Variants in PIP5K1B observed in about 807,000 individuals in gnomAD.
The protein encoded by PIP5K1B is phosphatidylinositol 4-phosphate 5-kinase type-1 beta.
PIP5K1B carries 42 observed loss-of-function variants against 67.0 expected under a neutral mutation model. That is an observed-to-expected ratio of 0.63 (90% CI 0.49 to 0.81). The LOEUF (loss-of-function observed/expected upper bound fraction) is 0.81, where lower values mean the gene tolerates loss of function less well. Among genes scored for constraint, PIP5K1B ranks in the 30% least tolerant of loss-of-function variants. The probability of loss-of-function intolerance (pLI) is 0.00; values close to 1 mark genes in which losing one functional copy is unlikely to be tolerated. For synonymous variants in PIP5K1B, 214 were observed against 231.4 expected, an observed-to-expected ratio of 0.92 and a Z score of 0.68; for missense variants, 459 against 646.3, an observed-to-expected ratio of 0.71 and a Z score of 3.14.
At chr9:68,760,196 C>G (rs1312495116) in intron 2 of PIP5K1B, among the ~76,000 whole-genome samples, 1 of 152,098 alleles carries the variant, frequency 6.6e-6, no homozygotes, top group Non-Finnish European at 1.5e-5. Flanking sequence ...GCACAGCTCT[C>G]TTTTGGAATG....
intron 4 of PIP5K1B, among the ~76,000 whole-genome samples, chr9:68,830,301 A>G (rs184663732): frequency 6.6e-6 from 1 of 152,292 alleles, no homozygotes; most frequent in East Asian, 1.9e-4. Flanking sequence ...ACCCCTCCAA[A>G]CACTTGTGCT....
intron 6 of PIP5K1B, among the ~76,000 whole-genome samples, chr9:68,888,258 G>A (rs1207662472): frequency 1.3e-5 from 2 of 152,102 alleles, no homozygotes; most frequent in Admixed American, 6.5e-5. Flanking sequence ...AATTACAGGC[G>A]TGAGCCACCA....
chr9:68,949,350 A>C (rs1245639145), intron 14 of PIP5K1B, among the ~76,000 whole-genome samples: 1 of 152,174 alleles, frequency 6.6e-6, no homozygotes, highest in Non-Finnish European at 1.5e-5. Context: ...TGAAGTCTGC[A>C]TTTTGGCAAG....
At chr9:68,839,618 A>G (rs1821808594) in intron 4 of PIP5K1B, among the ~76,000 whole-genome samples, 1 of 152,254 alleles carries the variant, frequency 6.6e-6, no homozygotes, top group Non-Finnish European at 1.5e-5. Flanking sequence ...CAAAGTGAAT[A>G]CAACAGAAAA....
intron 14 of PIP5K1B, 46 bp from the exon 15 acceptor site, chr9:68,991,094 T>A (rs2132954877): frequency 9.0e-7 from 1 of 1,109,364 alleles, no homozygotes; most frequent in East Asian, 2.3e-5. Flanking sequence ...GTCTTTAGAT[T>A]TTGTTCTGGG....
chr9:68,976,504 C>T (rs1193960592), intron 14 of PIP5K1B, among the ~76,000 whole-genome samples: 7 of 152,198 alleles, frequency 4.6e-5, no homozygotes, highest in African/African-American at 1.4e-4. Flanking sequence ...ACTACCCTGC[C>T]TCTTGCTGTA....
At chr9:68,812,404 A>G (rs1369077515) in intron 2 of PIP5K1B, among the ~76,000 whole-genome samples, 1 of 152,254 alleles carries the variant, frequency 6.6e-6, no homozygotes, top group Non-Finnish European at 1.5e-5. Context: ...ACTAAATACC[A>G]GAAATAATAG....
At chr9:68,770,561 C>T (rs1432870904) in intron 2 of PIP5K1B, among the ~76,000 whole-genome samples, 1 of 152,178 alleles carries the variant, frequency 6.6e-6, no homozygotes, top group African/African-American at 2.4e-5. Flanking sequence ...GGAACCAGGC[C>T]ACACAGCACG....
chr9:68,723,582 C>T (rs966869123), intron 1 of PIP5K1B, among the ~76,000 whole-genome samples: 1 of 151,506 alleles, frequency 6.6e-6, no homozygotes, highest in Non-Finnish European at 1.5e-5. Flanking sequence ...TTTGCATCTC[C>T]CTGATGATTA....
At chr9:68,969,016 G>A (rs1439962092) in intron 14 of PIP5K1B, among the ~76,000 whole-genome samples, 1 of 152,088 alleles carries the variant, frequency 6.6e-6, no homozygotes, top group Non-Finnish European at 1.5e-5. Flanking sequence ...GCTTCTGAGG[G>A]CCTCATGTGC....
chr9:69,007,974 T>C (rs1426183341), intron 15 of PIP5K1B, among the ~76,000 whole-genome samples: 2 of 149,786 alleles, frequency 1.3e-5, no homozygotes, highest in Non-Finnish European at 3.0e-5. Flanking sequence ...TTGAGTTAGC[T>C]GGCTCTGATT....
intron 1 of PIP5K1B, among the ~76,000 whole-genome samples, chr9:68,723,489 C>CT (rs1178453176): frequency 6.6e-6 from 1 of 151,902 alleles, no homozygotes; most frequent in African/African-American, 2.4e-5. Context: ...TCTCTACATC[C>CT]TCTCCAGCAT....
chr9:68,780,835 T>C, intron 2 of PIP5K1B: 1 of 1,614,238 alleles, frequency 6.2e-7, no homozygotes, highest in Non-Finnish European at 8.5e-7. Context: ...ATCACCAACA[T>C]GCTTTCTTCT....
intron 1 of PIP5K1B, among the ~76,000 whole-genome samples, chr9:68,741,017 GC>G (rs1253350555): frequency 6.6e-6 from 1 of 152,158 alleles, no homozygotes. Flanking sequence ...ATTTCTAAAT[GC>G]CATTTTACCC....
chr9:68,807,311 G>A (rs1274838744), intron 2 of PIP5K1B, among the ~76,000 whole-genome samples: 1 of 152,152 alleles, frequency 6.6e-6, no homozygotes, highest in African/African-American at 2.4e-5. Flanking sequence ...CACTTTCATT[G>A]CTTGTTACGA....
chr9:68,760,413 G>A (rs148670956), intron 2 of PIP5K1B, among the ~76,000 whole-genome samples: 150 of 152,240 alleles, frequency 9.9e-4, no homozygotes, highest in African/African-American at 3.5e-3. Flanking sequence ...CAATGGAGGT[G>A]GACAGTGAAA....
intron 2 of PIP5K1B, among the ~76,000 whole-genome samples, chr9:68,769,744 A>G (rs1449222275): frequency 1.3e-5 from 2 of 152,192 alleles, no homozygotes; most frequent in Admixed American, 6.5e-5. Context: ...TTCTGGGGAA[A>G]GAATGAATGT....
intron 14 of PIP5K1B, among the ~76,000 whole-genome samples, chr9:68,972,987 CAT>C (rs1207273082): frequency 6.6e-6 from 1 of 152,170 alleles, no homozygotes. Flanking sequence ...GACACTTGCA[CAT>C]GTTATTATTT....
At chr9:68,917,784 A>G in intron 9 of PIP5K1B, 25 bp downstream of exon 9, 1 of 1,549,386 alleles carries the variant, frequency 6.5e-7, no homozygotes, top group Non-Finnish European at 8.9e-7. Context: ...ACACCTACCC[A>G]CCCTCTTGAC....
Sources: allele counts gnomAD v4.1 joint callset (sites outside exome capture counted in the v4.1 genomes callset), GRCh38; gene constraint gnomAD v4.1.1; transcripts MANE v1.5; gene names NCBI Gene and HGNC (gene_info 2026-07-23, HGNC 2026-07-21).